The following PGBD5 variants were observed in gnomAD, a reference collection of about 807,000 sequenced individuals.
PGBD5 encodes piggyBac transposable element derived 5.
In PGBD5, 14 loss-of-function variants were observed where a neutral mutation model predicts 47.9. The observed-to-expected ratio is 0.29, with a 90% CI of 0.19 to 0.46. The LOEUF (loss-of-function observed/expected upper bound fraction) is 0.46. Ranked by LOEUF, PGBD5 falls within the 20% of genes least tolerant of loss-of-function variation. The pLI, the probability that PGBD5 is intolerant of heterozygous loss-of-function variation, is 1.00. For synonymous variants in PGBD5, 316 were observed against 306.3 expected, an observed-to-expected ratio of 1.03 and a Z score of -0.33; for missense variants, 635 against 716.0, an observed-to-expected ratio of 0.89 and a Z score of 1.29.
rs1273771899 is a variant in PGBD5 at position 230,321,277 on chromosome 1, A to G, written c.*2148T>C. On this transcript the variant is annotated 3_prime_UTR_variant, in exon 7 of 7. Coordinates refer to ENST00000391860, the MANE Select transcript of PGBD5 (RefSeq NM_001258311.2). Reference sequence around the variant, plus strand: ...TGAGACACCAAGAACAGTTAATATCATACACACCAGATTATATAACAAAAA... The same window carrying G: ...TGAGACACCAAGAACAGTTAATATCGTACACACCAGATTATATAACAAAAA... 2 of 152,222 alleles carry G rather than the reference A, an allele frequency of 1.3e-5. No individual in the cohort carries two copies. Among genetic ancestry groups the G allele is most frequent in the African/African-American group, 4.8e-5 (2 of 41,464 alleles). The allele number at this position is 152,222 out of a possible 1,614,324, so 9.4% of individuals were successfully genotyped here.
intron 1 of PGBD5, among the ~76,000 whole-genome samples, chr1:230,407,411 T>C (rs773147558): frequency 2.6e-5 from 4 of 152,176 alleles, no homozygotes; most frequent in Non-Finnish European, 4.4e-5. Flanking sequence ...CTGGAAACCA[T>C]ATTACGGAAA....
At chr1:230,389,770 TTTAGCC>T (rs1322447981) in intron 1 of PGBD5, among the ~76,000 whole-genome samples, 4 of 152,174 alleles carry the variant, frequency 2.6e-5, no homozygotes, top group Non-Finnish European at 5.9e-5. Flanking sequence ...ATAGAGAAAG[TTTAGCC>T]TTATGCCAAC....
In PGBD5 at chr1:230,357,319, G is replaced by T. The variant is rs977947843; in HGVS notation, c.334C>A (p.Pro112Thr). The stretch of plus-strand genomic sequence containing the variant: ...GCGCTGGGGGGCATCTTTCGGGTGG[G>T]ACCTGAAACCCAAAGACAGGTGGAG... ...PPPRFEDTGG[P>T]TRKMPPSASA... is the part of the protein sequence containing the mutation. The change falls in exon 2 of 7, where the codon CCC (proline) becomes ACC (threonine). Residue 112 changes from proline to threonine, a missense_variant and splice_region_variant. Transcript: ENST00000391860. The surrounding 1 kb of genome is among the most constrained non-coding windows in gnomAD (Gnocchi z 5.7). 1 of 1,612,580 alleles carries T rather than the reference G, an allele frequency of 6.2e-7. No individual in the cohort carries two copies.
At chr1:230,365,681 G>A (rs1036784258) in intron 1 of PGBD5, among the ~76,000 whole-genome samples, 1 of 152,220 alleles carries the variant, frequency 6.6e-6, no homozygotes, top group East Asian at 1.9e-4. Flanking sequence ...AATAAAGGCT[G>A]GCTGAGTCTT....
At chr1:230,346,947 G>C (rs1280368710) in intron 3 of PGBD5, among the ~76,000 whole-genome samples, 1 of 152,120 alleles carries the variant, frequency 6.6e-6, no homozygotes, top group African/African-American at 2.4e-5. Flanking sequence ...TCCATGCCTA[G>C]ATTTGCATTG....
intron 3 of PGBD5, among the ~76,000 whole-genome samples, chr1:230,345,169 C>T (rs1351535463): frequency 3.9e-5 from 6 of 152,110 alleles, no homozygotes; most frequent in Non-Finnish European, 7.3e-5. Context: ...CACTAAAGGT[C>T]GATGAACATT....
rs1480852727 is a variant in PGBD5, at chr1:230,316,429, C to G, written c.*6996G>C. 6.6e-6 allele frequency: 1 copy of G among 152,138 alleles called. No homozygotes were observed. Among genetic ancestry groups the G allele is most frequent in the Non-Finnish European group, 1.5e-5 (1 of 68,036 alleles). The allele number at this position is 152,138 out of a possible 1,614,324, so 9.4% of individuals were successfully genotyped here. A position where few individuals can be genotyped will look rare whatever the true frequency, so the allele number is the denominator to read the frequency against. ...CGCAATTGTTCTGGGCCCATCTTTC[C>G]AATCTATTGAAATAATAGGGACTGC... On this transcript the variant is annotated 3_prime_UTR_variant, in exon 7 of 7. Transcript: ENST00000391860.
At chr1:230,331,822 CAGCACTCAAG>C (rs1667221282) in intron 5 of PGBD5, among the ~76,000 whole-genome samples, 1 of 151,890 alleles carries the variant, frequency 6.6e-6, no homozygotes, top group African/African-American at 2.4e-5. Flanking sequence ...ATCCTAGACA[CAGCACTCAAG>C]AGCACAGCTC....
At chr1:230,409,252 T>C (rs1384066174) in intron 1 of PGBD5, among the ~76,000 whole-genome samples, 1 of 152,210 alleles carries the variant, frequency 6.6e-6, no homozygotes, top group African/African-American at 2.4e-5. Flanking sequence ...CTTCATACAC[T>C]GCCACTGGGA....
At chr1:230,333,146 G>T in intron 4 of PGBD5, 105 bp from the exon 5 acceptor site, 1 of 1,228,288 alleles carries the variant, frequency 8.1e-7, no homozygotes, top group Non-Finnish European at 1.1e-6. Flanking sequence ...GCCCGGTTCT[G>T]AGGCTGATGC....
intron 1 of PGBD5, among the ~76,000 whole-genome samples, chr1:230,362,619 C>G (rs1225398525): frequency 6.6e-6 from 1 of 152,160 alleles, no homozygotes; most frequent in Non-Finnish European, 1.5e-5. Flanking sequence ...ATCGGCCACT[C>G]ATGCTCGTTT....
intron 1 of PGBD5, chr1:230,377,478 CCTTA>C (rs769856767): frequency 1.9e-6 from 3 of 1,611,416 alleles, no homozygotes; most frequent in Admixed American, 1.7e-5. Context: ...GCTGGAAGGG[CCTTA>C]CTAAGACAGC....
chr1:230,415,823 G>A (rs1657499427), intron 1 of PGBD5, among the ~76,000 whole-genome samples: 1 of 152,142 alleles, frequency 6.6e-6, no homozygotes. Flanking sequence ...TTATAAATTA[G>A]TTGATCTGAC....
At chr1:230,379,074 C>A (rs535325106) in intron 1 of PGBD5, among the ~76,000 whole-genome samples, 2 of 152,262 alleles carry the variant, frequency 1.3e-5, no homozygotes, top group Non-Finnish European at 2.9e-5. Flanking sequence ...CCAACCATGG[C>A]CTCACTCACA....
chr1:230,374,614 T>C (rs947377093), intron 1 of PGBD5, among the ~76,000 whole-genome samples: 9 of 152,200 alleles, frequency 5.9e-5, no homozygotes, highest in Non-Finnish European at 1.0e-4. Flanking sequence ...CTTTTCTCAA[T>C]ACAATTTCTG....
Position 230,332,926 on chromosome 1 carries a change from C to A in PGBD5, c.1191G>T (p.Met397Ile). 6.2e-7 allele frequency: 1 copy of A among 1,614,214 alleles called. No individual in the cohort carries two copies. Among genetic ancestry groups the A allele is most frequent in the Non-Finnish European group, 8.5e-7 (1 of 1,180,022 alleles). Residue 397 changes from methionine to isoleucine, a missense_variant, in exon 5 of 7, where the codon ATG (methionine) becomes ATT (isoleucine). By Grantham distance (10) the Met-to-Ile change is conservative. Transcript: ENST00000391860. ...PPARGQYQIK[M>I]KGNMSLICWY... Reference sequence around the variant, plus strand: ...AGCAGATCAAGGACATGTTCCCCTTCATCTTGATTTGGTACTGGCCCCGGG... The same window carrying A: ...AGCAGATCAAGGACATGTTCCCCTTAATCTTGATTTGGTACTGGCCCCGGG...
intron 1 of PGBD5, among the ~76,000 whole-genome samples, chr1:230,370,051 T>C (rs556917061): frequency 2.6e-5 from 4 of 152,250 alleles, no homozygotes; most frequent in East Asian, 1.9e-4. Context: ...CAAGGAGAGT[T>C]ACGTTGATGA....
chr1:230,401,566 A>C (rs1037991033), intron 1 of PGBD5, among the ~76,000 whole-genome samples: 1 of 152,240 alleles, frequency 6.6e-6, no homozygotes, highest in Non-Finnish European at 1.5e-5. Context: ...GAAGGAAAAA[A>C]TAATTCTTTT....
Position 230,416,211 on chromosome 1 carries a change from C to T in PGBD5, c.331+9387G>A, listed in dbSNP as rs12022656. Reference sequence around the variant, plus strand: ...GTAGCCATCAAGTTTGGTCTTCCAACCAGGACAGAAATCCTCATATTTGGT... The same window carrying T: ...GTAGCCATCAAGTTTGGTCTTCCAATCAGGACAGAAATCCTCATATTTGGT... On this transcript the variant is annotated intron_variant, in intron 1 of 6. Coordinates refer to ENST00000391860, the MANE Select transcript of PGBD5 (RefSeq NM_001258311.2). Among the ~76,000 whole-genome samples the T allele has an allele frequency of 0.018, 2,774 of 152,200 alleles. 235 individuals are homozygous for T. In the East Asian group the frequency reaches 0.29, roughly 16 times the overall value.
Sources: gnomAD v4.1 joint callset for allele counts (sites outside exome capture counted in the v4.1 genomes callset) on GRCh38, gnomAD v4.1.1 for gene constraint, Gnocchi (gnomAD v3.1) non-coding constraint, MANE v1.5 for transcripts, NCBI Gene and HGNC (gene_info 2026-07-23, HGNC 2026-07-21) for gene names.